The following PHEX variants were observed in gnomAD, a reference collection of about 807,000 sequenced individuals.
PHEX encodes the protein phosphate regulating endopeptidase X-linked, also known as phosphate-regulating neutral endopeptidase PHEX.
A neutral mutation model predicts 68.0 loss-of-function variants in PHEX; 16 were observed. That is an observed-to-expected ratio of 0.24 (90% CI 0.16 to 0.36). The LOEUF is 0.36. Ranked by LOEUF, PHEX falls within the 10% of genes least tolerant of loss-of-function variation. The probability of loss-of-function intolerance (pLI) is 1.00; values close to 1 mark genes in which losing one functional copy is unlikely to be tolerated. For missense variants in PHEX, 480 were observed against 575.5 expected (o/e 0.83, Z 1.70); for synonymous variants, 208 against 205.1 (o/e 1.01, Z -0.12).
intron 20 of PHEX, among the ~76,000 whole-genome samples, chrX:22,238,557 C>T (rs1263137702): frequency 1.8e-5 from 2 of 111,595 alleles, no homozygotes; most frequent in East Asian, 5.6e-4. Flanking sequence ...CTGAAGTTGA[C>T]CTGGGATGCT....
At chrX:22,209,940 TAAAAA>T (rs200608326) in intron 15 of PHEX, among the ~76,000 whole-genome samples, 1 of 91,201 alleles carries the variant, frequency 1.1e-5, no homozygotes. Flanking sequence ...GTTGAAATGG[TAAAAA>T]AAAAAAAAAA....
intron 5 of PHEX, among the ~76,000 whole-genome samples, chrX:22,084,765 T>C (rs1290240170): frequency 9.0e-6 from 1 of 110,889 alleles, no homozygotes; most frequent in Non-Finnish European, 1.9e-5. Flanking sequence ...ATTCATTTCT[T>C]CTAGATGTTC....
chrX:22,167,729 A>G (rs1460474913), intron 12 of PHEX, among the ~76,000 whole-genome samples: 1 of 110,535 alleles, frequency 9.0e-6, no homozygotes, highest in Non-Finnish European at 1.9e-5. Flanking sequence ...TCCTGGCCTC[A>G]AGCAATCCTC....
chrX:22,154,173 C>T (rs181694934), intron 12 of PHEX, among the ~76,000 whole-genome samples: 16 of 110,448 alleles, frequency 1.4e-4, no homozygotes, highest in African/African-American at 5.0e-4. Context: ...TGCTATGTAC[C>T]CACAAAAATT....
intron 11 of PHEX, 50 bp from the exon 12 acceptor site, chrX:22,133,473 G>A (rs942296588): frequency 1.2e-5 from 12 of 1,025,794 alleles, no homozygotes; most frequent in African/African-American, 7.5e-5. Context: ...AGAAAACCTC[G>A]ACTGAAGCTT....
At chrX:22,041,168 G>A (rs903321949) in intron 2 of PHEX, among the ~76,000 whole-genome samples, 2 of 106,283 alleles carry the variant, frequency 1.9e-5, no homozygotes, top group Non-Finnish European at 3.9e-5. Context: ...TTGTAAATTC[G>A]GAGACCTTAT....
intron 16 of PHEX, among the ~76,000 whole-genome samples, chrX:22,218,182 G>A (rs1935153016): frequency 9.0e-6 from 1 of 111,078 alleles, no homozygotes; most frequent in East Asian, 2.9e-4. Flanking sequence ...CTCTAGCTGT[G>A]TAGTTGAACT....
chrX:22,241,907 A>G (rs183900257), intron 20 of PHEX, among the ~76,000 whole-genome samples: 1 of 112,157 alleles, frequency 8.9e-6, no homozygotes, highest in Non-Finnish European at 1.9e-5. Context: ...AAGAGAGGGA[A>G]CCCTTCCTAA....
intron 15 of PHEX, among the ~76,000 whole-genome samples, chrX:22,201,214 TCACCCAGG>T (rs1218136926): frequency 9.0e-6 from 1 of 111,338 alleles, no homozygotes; most frequent in Non-Finnish European, 1.9e-5. Flanking sequence ...TCTCACTCTG[TCACCCAGG>T]CTGGAGTGCA....
intron 20 of PHEX, among the ~76,000 whole-genome samples, chrX:22,244,906 G>A (rs753182854): frequency 8.9e-6 from 1 of 111,865 alleles, no homozygotes; most frequent in East Asian, 2.8e-4. Flanking sequence ...AGGGTGAAGC[G>A]AGCAAGGCAC....
Position 22,080,652 on chromosome X carries a change from A to G in PHEX, c.663+2950A>G, listed in dbSNP as rs192333816. Among the ~76,000 whole-genome samples, 47 of 111,458 alleles carry G rather than the reference A, an allele frequency of 4.2e-4. No individual in the cohort carries two copies. In the East Asian group the frequency reaches 0.012, roughly 28 times the overall value. ...ACTATAAAAGACAAAATCTAATTGG[A>G]TGAACATTTGAAGCCCCCCCCACTT... On this transcript the variant is annotated intron_variant, in intron 5 of 21. Transcript: ENST00000379374.
chrX:22,214,968 A>G (rs1935041249), intron 16 of PHEX, among the ~76,000 whole-genome samples: 1 of 111,833 alleles, frequency 8.9e-6, no homozygotes, highest in South Asian at 3.7e-4. Context: ...TATATCTAAA[A>G]AATTAAAGGT....
intron 15 of PHEX, among the ~76,000 whole-genome samples, chrX:22,199,080 G>A (rs1351257523): frequency 9.0e-6 from 1 of 111,134 alleles, no homozygotes; most frequent in African/African-American, 3.3e-5. Flanking sequence ...CCTCCCACTG[G>A]GTCCCTCCTA....
chrX:22,041,265 C>CTCTCTCTCTATA (rs1468778300), intron 2 of PHEX, among the ~76,000 whole-genome samples: 70 of 72,799 alleles, frequency 9.6e-4, no homozygotes, highest in African/African-American at 1.3e-3. Context: ...CTCTCTCTCT[C>CTCTCTCTCTATA]TATATATATA....
At chrX:22,108,942 CA>C (rs34267547) in intron 9 of PHEX, among the ~76,000 whole-genome samples, 253 of 73,202 alleles carry the variant, frequency 3.5e-3, no homozygotes, top group South Asian at 0.013. Context: ...ACTCCATCTT[CA>C]AAAAAAAAAA....
intron 12 of PHEX, among the ~76,000 whole-genome samples, chrX:22,163,970 T>A (rs1933226165): frequency 9.0e-6 from 1 of 111,156 alleles, no homozygotes; most frequent in Non-Finnish European, 1.9e-5. Flanking sequence ...AAGGGCAGAG[T>A]CTGTCAATGA....
Position 22,047,196 on chromosome X carries a change from G to C in PHEX, c.334G>C (p.Asp112His). The C allele has an allele frequency of 8.3e-7, 1 of 1,208,471 alleles. No homozygotes were observed. The highest frequency in any genetic ancestry group is 1.1e-6 in the Non-Finnish European group (1 of 892,612). Residue 112 changes from aspartate (D) to histidine (H), a missense_variant, in exon 3 of 22, where the codon GAC becomes CAC. Transcript: ENST00000379374. Reference sequence around the variant, plus strand: ...TTATCCTTGGCTGAGACATAATGTTGACCTCAAGTTGAAGGGTAAGTTTCT... The same window carrying C: ...TTATCCTTGGCTGAGACATAATGTTCACCTCAAGTTGAAGGGTAAGTTTCT... Reference protein sequence around the residue: ...GVYPWLRHNVDLKLKELLEKS... With the variant: ...GVYPWLRHNVHLKLKELLEKS...
chrX:22,100,344 A>G (rs1462308268), intron 9 of PHEX, among the ~76,000 whole-genome samples: 1 of 112,069 alleles, frequency 8.9e-6, no homozygotes, highest in East Asian at 2.8e-4. Context: ...CTTATGATTA[A>G]CTTTTCTTAG....
At chrX:22,151,976 T>G in intron 12 of PHEX, among the ~76,000 whole-genome samples, 1 of 112,206 alleles carries the variant, frequency 8.9e-6, no homozygotes, top group Non-Finnish European at 1.9e-5. Flanking sequence ...TTATTTGTCT[T>G]GGCATGTTGA....
Sources: gnomAD v4.1 joint callset for allele counts (sites outside exome capture counted in the v4.1 genomes callset) on GRCh38, gnomAD v4.1.1 for gene constraint, MANE v1.5 for transcripts, NCBI Gene and HGNC (gene_info 2026-07-23, HGNC 2026-07-21) for gene names.